The following PTPRN2 variants were observed in gnomAD, a reference collection of about 807,000 sequenced individuals.
The protein encoded by PTPRN2 is receptor-type tyrosine-protein phosphatase N2.
In PTPRN2, 74 loss-of-function variants were observed where a neutral mutation model predicts 118.8. The observed-to-expected ratio is 0.62, with a 90% CI of 0.52 to 0.76. The LOEUF is 0.76. Among genes scored for constraint, PTPRN2 ranks in the 30% least tolerant of loss-of-function variants. PTPRN2 has a pLI of 0.00. For synonymous variants in PTPRN2, 641 were observed against 608.0 expected (o/e 1.05, Z -0.80); for missense variants, 1,481 against 1,394.4 (o/e 1.06, Z -0.99).
chr7:157,751,452 C>A (rs560223477), intron 12 of PTPRN2, among the ~76,000 whole-genome samples: 5 of 152,270 alleles, frequency 3.3e-5, no homozygotes, highest in African/African-American at 1.2e-4. Context: ...AGAGGCTGAG[C>A]GTGTGCAGGG....
At chr7:157,966,397 T>C (rs1344324985) in intron 11 of PTPRN2, among the ~76,000 whole-genome samples, 1 of 151,370 alleles carries the variant, frequency 6.6e-6, no homozygotes, top group Non-Finnish European at 1.5e-5. Context: ...TCTTCATCAC[T>C]ATCACCATCA....
At chr7:157,720,201 G>A (rs1356965088) in intron 12 of PTPRN2, among the ~76,000 whole-genome samples, 2 of 152,196 alleles carry the variant, frequency 1.3e-5, no homozygotes, top group Non-Finnish European at 2.9e-5. Flanking sequence ...CAGTGTTAGC[G>A]AGAGACGCTG....
At chr7:157,680,192 C>T (rs1175434983) in intron 13 of PTPRN2, among the ~76,000 whole-genome samples, 1 of 152,132 alleles carries the variant, frequency 6.6e-6, no homozygotes, top group Non-Finnish European at 1.5e-5. Flanking sequence ...AGCATGTCCC[C>T]ATGAAATAAA....
At chr7:158,056,294 C>A (rs1809788625) in intron 11 of PTPRN2, among the ~76,000 whole-genome samples, 1 of 152,210 alleles carries the variant, frequency 6.6e-6, no homozygotes, top group Non-Finnish European at 1.5e-5. Flanking sequence ...CCAGGCACTC[C>A]CCGGGGCCTC....
At chr7:158,140,437 C>T (rs1475394499) in intron 6 of PTPRN2, among the ~76,000 whole-genome samples, 1 of 152,222 alleles carries the variant, frequency 6.6e-6, no homozygotes, top group African/African-American at 2.4e-5. Flanking sequence ...CCTCATAGTT[C>T]CACAGACAGA....
At chr7:158,251,651 TGCACA>T (rs1223083964) in intron 3 of PTPRN2, among the ~76,000 whole-genome samples, 1 of 139,440 alleles carries the variant, frequency 7.2e-6, no homozygotes, top group Non-Finnish European at 1.6e-5. Flanking sequence ...ACATGTGGTG[TGCACA>T]GGTGTGCAAT....
intron 6 of PTPRN2, among the ~76,000 whole-genome samples, chr7:158,145,007 C>A (rs1275160184): frequency 6.7e-6 from 1 of 149,734 alleles, no homozygotes; most frequent in Admixed American, 6.7e-5. Flanking sequence ...GCAAGACTTC[C>A]CTCACATCAT....
chr7:157,683,907 G>C (rs540063077), intron 12 of PTPRN2, among the ~76,000 whole-genome samples: 13 of 152,260 alleles, frequency 8.5e-5, no homozygotes, highest in Admixed American at 2.0e-4. Context: ...GCTGCTACAA[G>C]ATGAGAACAA....
chr7:158,431,721 TCACACTGGCTCACACTGGCCA>T (rs1163507232), intron 2 of PTPRN2, among the ~76,000 whole-genome samples: 178 of 124,690 alleles, frequency 1.4e-3, no homozygotes, highest in South Asian at 2.9e-3. Flanking sequence ...ACATACTGGC[TCACACTGGCTCACACTGGCCA>T]CACACTGGCT....
chr7:157,766,052 C>CTCCA (rs149263071), intron 12 of PTPRN2, among the ~76,000 whole-genome samples: 3 of 149,932 alleles, frequency 2.0e-5, no homozygotes, highest in African/African-American at 7.4e-5. Flanking sequence ...TTCATCCTTC[C>CTCCA]TCCATCCATC....
intron 13 of PTPRN2, among the ~76,000 whole-genome samples, chr7:157,659,835 C>A (rs1795807724): frequency 6.6e-6 from 1 of 152,066 alleles, no homozygotes; most frequent in East Asian, 1.9e-4. Context: ...GCCTCCACCT[C>A]CTGGGTTCAA....
intron 17 of PTPRN2, among the ~76,000 whole-genome samples, chr7:157,589,896 GC>G (rs1342755757): frequency 6.6e-6 from 1 of 152,242 alleles, no homozygotes; most frequent in East Asian, 1.9e-4. Context: ...TGAAGAGGGA[GC>G]TTGTGGGTGG....
rs57276163 is a variant in PTPRN2, at chr7:158,365,850, C to CACACACACACA, written c.164-48919_164-48918insTGTGTGTGTGT. Among the ~76,000 whole-genome samples the CACACACACACA allele has an allele frequency of 8.8e-4, 90 of 102,562 alleles. 9 individuals carry two copies. Among genetic ancestry groups the CACACACACACA allele is most frequent in the East Asian group, 3.7e-3 (11 of 2,948 alleles). The allele number at this position is 102,562 out of a possible 152,430, so 67.3% of individuals were successfully genotyped here. ...AGTGCATGCGTGCACACACACACACCCACACACACACAGCATCCCTGGGAG... is the reference window on the plus strand; with the variant it reads ...AGTGCATGCGTGCACACACACACACCACACACACACACACACACACACAGCATCCCTGGGAG... On this transcript the variant is annotated intron_variant, in intron 2 of 22. Transcript: ENST00000389418.
At chr7:157,681,872 T>C (rs1796930831) in intron 13 of PTPRN2, among the ~76,000 whole-genome samples, 1 of 152,224 alleles carries the variant, frequency 6.6e-6, no homozygotes, top group Admixed American at 6.5e-5. Flanking sequence ...TCCAGTCCAA[T>C]GAGGAAATCT....
chr7:157,644,965 A>G (rs1804962829), intron 14 of PTPRN2, among the ~76,000 whole-genome samples: 1 of 152,238 alleles, frequency 6.6e-6, no homozygotes, highest in Admixed American at 6.5e-5. Flanking sequence ...GGACAGGACA[A>G]GAACTCTCAG....
intron 12 of PTPRN2, among the ~76,000 whole-genome samples, chr7:157,693,137 G>T (rs1327797583): frequency 6.6e-6 from 1 of 151,846 alleles, no homozygotes; most frequent in East Asian, 2.0e-4. Context: ...AAGAGGGGAA[G>T]ACAGCGGAGA....
At chr7:157,713,208 C>G (rs1369663593) in intron 12 of PTPRN2, among the ~76,000 whole-genome samples, 2 of 69,360 alleles carry the variant, frequency 2.9e-5, no homozygotes, top group African/African-American at 1.7e-4. Context: ...AGACCCTCAT[C>G]TCCATCCACC....
At chr7:158,143,230 G>C (rs898664998) in intron 6 of PTPRN2, among the ~76,000 whole-genome samples, 4 of 152,220 alleles carry the variant, frequency 2.6e-5, no homozygotes, top group African/African-American at 4.8e-5. Flanking sequence ...AGCTGTGTCT[G>C]GAAAAGTAGG....
At position 157,676,035 on chromosome 7, in the gene PTPRN2, C is replaced by A. The variant is rs376751123; in HGVS notation, c.2001+6690G>T. Among the ~76,000 whole-genome samples, 1 of 152,138 alleles carries A rather than the reference C, an allele frequency of 6.6e-6. No individual in the cohort carries two copies. Among genetic ancestry groups the A allele is most frequent in the Non-Finnish European group, 1.5e-5 (1 of 68,016 alleles). On this transcript the variant is annotated intron_variant, in intron 13 of 22. Transcript: ENST00000389418. The surrounding 1 kb of genome is among the most constrained non-coding windows in gnomAD (Gnocchi z 5.6). ...ATCCTCTTGGGGTCACTCAGCCACACCGAGCCATGGACCGTCCCTTGGAGC... is the reference window on the plus strand; with the variant it reads ...ATCCTCTTGGGGTCACTCAGCCACAACGAGCCATGGACCGTCCCTTGGAGC...
Sources: gnomAD v4.1 joint callset for allele counts (sites outside exome capture counted in the v4.1 genomes callset) on GRCh38, gnomAD v4.1.1 for gene constraint, Gnocchi (gnomAD v3.1) non-coding constraint, MANE v1.5 for transcripts, NCBI Gene and HGNC (gene_info 2026-07-23, HGNC 2026-07-21) for gene names.